RNF144A: variants seen among roughly 807,000 people sequenced by gnomAD.
RNF144A encodes the protein ring finger protein 144A.
Under a neutral mutation model 38.7 loss-of-function variants are expected in RNF144A, and 11 were observed. The ratio of observed to expected loss-of-function variants is 0.28; its 90% CI spans 0.18 to 0.47. RNF144A has a LOEUF of 0.47. Among genes scored for constraint, RNF144A ranks in the 20% least tolerant of loss-of-function variants. The probability of loss-of-function intolerance (pLI) is 0.99; values close to 1 mark genes in which losing one functional copy is unlikely to be tolerated. For missense variants in RNF144A, 316 were observed against 377.2 expected (o/e 0.84, Z 1.34); for synonymous variants, 149 against 143.9 (o/e 1.04, Z -0.25).
intron 1 of RNF144A, among the ~76,000 whole-genome samples, chr2:6,928,550 G>A (rs534437717): frequency 7.2e-4 from 109 of 152,280 alleles, no homozygotes; most frequent in Middle Eastern, 3.4e-3. Flanking sequence ...AATACTAGAC[G>A]TGCCCCCAGG....
intron 2 of RNF144A, among the ~76,000 whole-genome samples, chr2:6,956,912 G>A (rs1379283507): frequency 6.6e-6 from 1 of 152,214 alleles, no homozygotes; most frequent in Non-Finnish European, 1.5e-5. Context: ...ATGTGAAAAT[G>A]ACAAGCATAT....
At chr2:6,959,093 C>T (rs1015149905) in intron 2 of RNF144A, among the ~76,000 whole-genome samples, 1 of 152,192 alleles carries the variant, frequency 6.6e-6, no homozygotes, top group African/African-American at 2.4e-5. Flanking sequence ...TAAACTCCCT[C>T]AGTGAGAGGA....
At chr2:7,027,667 C>CGGA (rs535415502) in intron 7 of RNF144A, among the ~76,000 whole-genome samples, 142 of 152,278 alleles carry the variant, frequency 9.3e-4, no homozygotes, top group Non-Finnish European at 1.6e-3. Context: ...TGCGGCTTCC[C>CGGA]GGAGCTTGCA....
chr2:7,054,338 ATACATACATATG>A (rs1478981512), intron 6 of RNF144A, among the ~76,000 whole-genome samples: 2 of 152,336 alleles, frequency 1.3e-5, no homozygotes, highest in Non-Finnish European at 2.9e-5. Context: ...ACACATACAT[ATACATACATATG>A]TACATATACA....
chr2:6,984,523 C>G (rs563715259), intron 2 of RNF144A, among the ~76,000 whole-genome samples: 1 of 152,200 alleles, frequency 6.6e-6, no homozygotes, highest in East Asian at 1.9e-4. Context: ...AGGCTGGTCT[C>G]GAGCTCCTGA....
At chr2:6,984,306 CT>C (rs765567289) in intron 2 of RNF144A, among the ~76,000 whole-genome samples, 116 of 146,254 alleles carry the variant, frequency 7.9e-4, no homozygotes, top group East Asian at 1.4e-3. Flanking sequence ...TTTTTCTTTT[CT>C]TTTTTTTTTT....
chr2:7,040,084 G>C lies in RNF144A; in HGVS notation c.*324G>C. 9.4e-7 allele frequency: 1 copy of C among 1,059,744 alleles called. No individual in the cohort carries two copies. Among genetic ancestry groups the C allele is most frequent in the Non-Finnish European group, 1.1e-6 (1 of 877,648 alleles). The allele number at this position is 1,059,744 out of a possible 1,614,324, so 65.6% of individuals were successfully genotyped here. ...AGGCATGTCTGGGGATGGCCTAAGA[G>C]ACTTTCTGCTCCTTGGCTTCTAGAT... is the stretch of plus-strand genomic sequence containing the variant. On this transcript the variant is annotated 3_prime_UTR_variant, in exon 9 of 9. Transcript: ENST00000320892.
At chr2:6,936,805 A>G (rs1391006674) in intron 1 of RNF144A, among the ~76,000 whole-genome samples, 2 of 151,478 alleles carry the variant, frequency 1.3e-5, no homozygotes, top group Non-Finnish European at 2.9e-5. Flanking sequence ...GCCTCATCCT[A>G]TCCTTCAGTA....
chr2:7,012,406 G>A (rs762518401), intron 3 of RNF144A, among the ~76,000 whole-genome samples: 8 of 152,214 alleles, frequency 5.3e-5, no homozygotes, highest in Non-Finnish European at 1.0e-4. Flanking sequence ...TTATTGTCAA[G>A]TGCAGGGAGA....
chr2:6,976,578 A>T (rs551567678), intron 2 of RNF144A, among the ~76,000 whole-genome samples: 54 of 149,022 alleles, frequency 3.6e-4, no homozygotes, highest in African/African-American at 1.3e-3. Flanking sequence ...TGAATTTCAT[A>T]TATATAAAAC....
chr2:7,075,291 C>A, the RNF144A span, among the ~76,000 whole-genome samples: 16 of 151,220 alleles, frequency 1.1e-4, no homozygotes, highest in Middle Eastern at 3.2e-3. Flanking sequence ...TCCCCCCCCC[C>A]ACACAGTGTT....
At chr2:6,936,321 A>AT (rs1277430597) in intron 1 of RNF144A, among the ~76,000 whole-genome samples, 5 of 152,350 alleles carry the variant, frequency 3.3e-5, no homozygotes, top group Admixed American at 3.3e-4. Flanking sequence ...CCACACACAT[A>AT]TAGATACATA....
intron 2 of RNF144A, among the ~76,000 whole-genome samples, chr2:6,956,318 C>T (rs980002849): frequency 6.6e-6 from 1 of 152,110 alleles, no homozygotes; most frequent in African/African-American, 2.4e-5. Context: ...TAGTCACCTT[C>T]GTCTGTACCC....
At chr2:7,008,670 C>T (rs1670607121) in intron 3 of RNF144A, among the ~76,000 whole-genome samples, 1 of 152,220 alleles carries the variant, frequency 6.6e-6, no homozygotes, top group Non-Finnish European at 1.5e-5. Flanking sequence ...TCCCTTTCTC[C>T]TGACTGCTGT....
At chr2:6,965,236 T>A (rs1044772279) in intron 2 of RNF144A, among the ~76,000 whole-genome samples, 1 of 152,190 alleles carries the variant, frequency 6.6e-6, no homozygotes, top group African/African-American at 2.4e-5. Flanking sequence ...GCAAGGCTTT[T>A]CTGGGCCTGG....
chr2:6,980,228 C>A (rs1172854995), intron 2 of RNF144A, among the ~76,000 whole-genome samples: 3 of 152,172 alleles, frequency 2.0e-5, no homozygotes, highest in African/African-American at 7.2e-5. Flanking sequence ...GTGTCCTTTC[C>A]ACATTTCAAA....
At chr2:6,964,441 A>T (rs1400035680) in intron 2 of RNF144A, among the ~76,000 whole-genome samples, 3 of 152,192 alleles carry the variant, frequency 2.0e-5, no homozygotes, top group Non-Finnish European at 4.4e-5. Flanking sequence ...AACTAGAAAT[A>T]CCATTTGACC....
chr2:6,989,357 C>A lies in RNF144A; in HGVS notation c.-11-7559C>A, dbSNP rs572473320. 2.6e-5 allele frequency among the ~76,000 whole-genome samples: 4 copies of A among 152,358 alleles called. No individual in the cohort carries two copies. In the East Asian group the frequency reaches 7.7e-4, roughly 29 times the overall value. Reference sequence around the variant, plus strand: ...GATCCCACTGTCTACCATCCCTTTACTTATTTTTTCCATTCCAGTGTAAAG... The same window carrying A: ...GATCCCACTGTCTACCATCCCTTTAATTATTTTTTCCATTCCAGTGTAAAG... On this transcript the variant is annotated intron_variant, in intron 2 of 8. Coordinates refer to ENST00000320892, the MANE Select transcript of RNF144A (RefSeq NM_014746.6).
intron 5 of RNF144A, among the ~76,000 whole-genome samples, chr2:7,019,578 AC>A (rs1228272593): frequency 2.0e-5 from 3 of 152,334 alleles, no homozygotes; most frequent in African/African-American, 7.2e-5. Flanking sequence ...GAAATAGCCC[AC>A]ATTGCACTGG....
Sources: allele counts gnomAD v4.1 joint callset (sites outside exome capture counted in the v4.1 genomes callset), GRCh38; gene constraint gnomAD v4.1.1; transcripts MANE v1.5; gene names NCBI Gene and HGNC (gene_info 2026-07-23, HGNC 2026-07-21).